Variants in RAB37 observed in about 807,000 individuals in gnomAD.
RAB37 encodes the protein RAB37, member RAS oncogene family, also known as ras-related protein Rab-37.
Under a neutral mutation model 33.1 loss-of-function variants are expected in RAB37, and 29 were observed. The ratio of observed to expected loss-of-function variants is 0.88; its 90% CI spans 0.65 to 1.20. The LOEUF (loss-of-function observed/expected upper bound fraction) is 1.20, where lower values mean the gene tolerates loss of function less well. Among genes scored for constraint, RAB37 ranks in the 50% most tolerant of loss-of-function variants. The pLI is 0.00. For synonymous variants in RAB37, 128 were observed against 119.5 expected (o/e 1.07, Z -0.47); for missense variants, 299 against 301.1 (o/e 0.99, Z 0.05).
At chr17:74,714,920 G>C (rs540646122) in intron 1 of RAB37, among the ~76,000 whole-genome samples, 12 of 152,190 alleles carry the variant, frequency 7.9e-5, no homozygotes, top group Admixed American at 7.2e-4. Flanking sequence ...TCAGGAGTTC[G>C]AGATCAGCCT....
At chr17:74,696,085 T>C (rs568988183) in intron 1 of RAB37, 131 of 1,409,220 alleles carry the variant, frequency 9.3e-5, no homozygotes, top group South Asian at 4.2e-4. Context: ...GAGGACAGGA[T>C]ACTTTGGCAC....
At position 74,746,237 on chromosome 17, in the gene RAB37, T is replaced by A. The variant is rs973404800; in HGVS notation, c.*826T>A. On this transcript the variant is annotated 3_prime_UTR_variant, in exon 9 of 9. Transcript: ENST00000392613. This position sits in a 1 kb window ranked among gnomAD's most constrained non-coding sequence, Gnocchi z 5.2. ...TAGGAAAAGAGTTTTGTTTTTATTT[T>A]TTTGAAATGGAGTCTCGTTCTGTCG... 1.3e-5 allele frequency: 2 copies of A among 152,208 alleles called. No homozygotes were observed. The highest frequency in any genetic ancestry group is 1.5e-5 in the Non-Finnish European group (1 of 68,052). 9.4% of individuals were successfully genotyped at this position (152,208 alleles called of 1,614,324 possible).
At chr17:74,694,465 A>G (rs964743677) in intron 1 of RAB37, 1 of 152,214 alleles carries the variant, frequency 6.6e-6, no homozygotes, top group African/African-American at 2.4e-5. Context: ...CCTTTCTGGC[A>G]TCTGAAGGCT....
At chr17:74,725,891 C>T (rs572118849) in intron 1 of RAB37, among the ~76,000 whole-genome samples, 1 of 151,718 alleles carries the variant, frequency 6.6e-6, no homozygotes, top group Non-Finnish European at 1.5e-5. Context: ...GCTGGGATTA[C>T]AGGCTTGAGC....
At chr17:74,693,475 C>T (rs567393298) in intron 1 of RAB37, among the ~76,000 whole-genome samples, 32 of 152,078 alleles carry the variant, frequency 2.1e-4, no homozygotes, top group South Asian at 8.3e-4. Context: ...GTTGCTGGGA[C>T]GAGAATGGAC....
chr17:74,732,987 G>A (rs2034412221), upstream of RAB37, among the ~76,000 whole-genome samples: 1 of 151,948 alleles, frequency 6.6e-6, no homozygotes, highest in Non-Finnish European at 1.5e-5. Context: ...TTGTGGGGGT[G>A]TGCGTCTCAG....
chr17:74,677,492 T>C (rs1412272292), intron 1 of RAB37: 1 of 152,110 alleles, frequency 6.6e-6, no homozygotes, highest in African/African-American at 2.4e-5. Flanking sequence ...GCCCTGTAAG[T>C]GAAGAGAGTT....
At chr17:74,700,170 A>G (rs1253512268) in intron 1 of RAB37, among the ~76,000 whole-genome samples, 1 of 133,402 alleles carries the variant, frequency 7.5e-6, no homozygotes, top group African/African-American at 2.6e-5. Context: ...TAAATAAATA[A>G]ACAAACAAAC....
At chr17:74,711,934 T>C (rs1416009705) in intron 1 of RAB37, among the ~76,000 whole-genome samples, 1 of 145,922 alleles carries the variant, frequency 6.9e-6, no homozygotes, top group Non-Finnish European at 1.5e-5. Flanking sequence ...AAACAGAGTC[T>C]CGCTCTGTCA....
intron 1 of RAB37, among the ~76,000 whole-genome samples, chr17:74,723,150 C>A (rs1236135690): frequency 6.6e-6 from 1 of 152,186 alleles, no homozygotes; most frequent in African/African-American, 2.4e-5. Context: ...GCAGAAGGAT[C>A]CACTTAACAG....
chr17:74,733,498 T>G (rs146390822), upstream of RAB37, among the ~76,000 whole-genome samples: 77 of 1,142 alleles, frequency 0.067, no homozygotes, highest in Middle Eastern at 0.25. Context: ...GTGGTGTGAT[T>G]TGAGGTGTGT....
chr17:74,744,622 G>A lies in RAB37; in HGVS notation c.432+249G>A, dbSNP rs942482943. ...CCCCCATTAGAGCAGAGTGAACAGG[G>A]TCCCAGGTCAGGGGCTAAGAGTGCA... is the stretch of plus-strand genomic sequence containing the variant. On this transcript the variant is annotated intron_variant, in intron 6 of 8. Transcript: ENST00000392613. The surrounding 1 kb of genome is among the most constrained non-coding windows in gnomAD (Gnocchi z 4.2). The A allele has an allele frequency of 4.8e-6, 3 of 622,822 alleles. No homozygotes were observed. The highest frequency in any genetic ancestry group is 3.7e-5 in the African/African-American group (2 of 54,360). The allele number at this position is 622,822 out of a possible 1,614,324, so 38.6% of individuals were successfully genotyped here.
Position 74,745,642 on chromosome 17 carries a change from A to G in RAB37, c.*231A>G, listed in dbSNP as rs562250430. On this transcript the variant is annotated 3_prime_UTR_variant, in exon 9 of 9. Coordinates refer to ENST00000392613, the MANE Select transcript of RAB37 (RefSeq NM_001006638.3). The surrounding 1 kb of genome is among the most constrained non-coding windows in gnomAD (Gnocchi z 4.5). ...CTTTTATTTTAATAGTACATAATTT[A>G]ATACCAAAAAAGGCGCCTGGATCCC... 1 of 445,794 alleles carries G rather than the reference A, an allele frequency of 2.2e-6. No homozygotes were observed. Among genetic ancestry groups the G allele is most frequent in the Non-Finnish European group, 4.0e-6 (1 of 251,452 alleles). 27.6% of individuals were successfully genotyped at this position (445,794 alleles called of 1,614,324 possible).
intron 1 of RAB37, chr17:74,704,605 A>G (rs1201217768): frequency 6.2e-7 from 1 of 1,614,094 alleles, no homozygotes; most frequent in Non-Finnish European, 8.5e-7. Flanking sequence ...GGTTTTTCTG[A>G]TTGTCCTTGA....
chr17:74,700,666 C>T (rs1158629298), intron 1 of RAB37, among the ~76,000 whole-genome samples: 1 of 151,832 alleles, frequency 6.6e-6, no homozygotes, highest in Non-Finnish European at 1.5e-5. Flanking sequence ...GCAGGAGAAT[C>T]GCTTGAACCT....
At chr17:74,707,954 C>T (rs1020540831) in intron 1 of RAB37, among the ~76,000 whole-genome samples, 1 of 151,764 alleles carries the variant, frequency 6.6e-6, no homozygotes, top group Non-Finnish European at 1.5e-5. Flanking sequence ...TCAAGACCAG[C>T]CTGGCCAACA....
At chr17:74,705,361 CA>C in intron 1 of RAB37, 1 of 656,322 alleles carries the variant, frequency 1.5e-6, no homozygotes, top group Non-Finnish European at 2.8e-6. Context: ...ACAGCAACGG[CA>C]ACTGGTCTCC....
At chr17:74,679,582 G>A (rs558201478) in intron 1 of RAB37, among the ~76,000 whole-genome samples, 22 of 152,252 alleles carry the variant, frequency 1.4e-4, no homozygotes, top group African/African-American at 4.8e-4. Flanking sequence ...TACAGTTTGC[G>A]AAACACTTTA....
intron 1 of RAB37, among the ~76,000 whole-genome samples, chr17:74,693,994 TG>T (rs1304984426): frequency 6.6e-6 from 1 of 151,868 alleles, no homozygotes; most frequent in East Asian, 1.9e-4. Context: ...GCAGTGTATG[TG>T]TATACACACA....
Sources: gnomAD v4.1 joint callset for allele counts (sites outside exome capture counted in the v4.1 genomes callset) on GRCh38, gnomAD v4.1.1 for gene constraint, Gnocchi (gnomAD v3.1) non-coding constraint, MANE v1.5 for transcripts, NCBI Gene and HGNC (gene_info 2026-07-23, HGNC 2026-07-21) for gene names.